ITPR1: variants seen among roughly 807,000 people sequenced by gnomAD.
ITPR1 encodes the protein inositol 1,4,5-trisphosphate-gated calcium channel ITPR1.
A neutral mutation model predicts 318.4 loss-of-function variants in ITPR1; 96 were observed. The observed-to-expected ratio is 0.30, with a 90% CI of 0.26 to 0.36. The LOEUF is 0.36. ITPR1 is among the 10% of genes least tolerant of loss of function. The pLI, the probability that ITPR1 is intolerant of heterozygous loss-of-function variation, is 1.00. For synonymous variants in ITPR1, 1,312 were observed against 1,289.9 expected (o/e 1.02, Z -0.37); for missense variants, 2,440 against 3,460.2 (o/e 0.71, Z 7.40).
intron 52 of ITPR1, among the ~76,000 whole-genome samples, chr3:4,793,253 T>C (rs992530990): frequency 1.3e-5 from 2 of 152,244 alleles, no homozygotes; most frequent in Non-Finnish European, 2.9e-5. Flanking sequence ...ATTACAATCA[T>C]ATTAGCGTAT....
chr3:4,642,361 G>A, intron 7 of ITPR1, 110 bp downstream of exon 7: 2 of 784,722 alleles, frequency 2.5e-6, no homozygotes, highest in East Asian at 3.2e-5. Context: ...GGCTTGTCCT[G>A]TGTAAAGAGA....
Position 4,673,391 on chromosome 3 carries a change from A to G in ITPR1, c.2456+4A>G. ...CCTCGGAGATCGCCATTGACGAGTG[A>G]GCCTGGCACCTGAAAACCTCACTTT... On this transcript the variant is annotated splice_donor_region_variant and intron_variant, in intron 21 of 61. Transcript: ENST00000649015. 6.3e-7 allele frequency: 1 copy of G among 1,597,280 alleles called. No homozygotes were observed. The highest frequency in any genetic ancestry group is 8.6e-7 in the Non-Finnish European group (1 of 1,168,450).
At chr3:4,572,693 T>C (rs2088154530) in intron 4 of ITPR1, among the ~76,000 whole-genome samples, 1 of 152,242 alleles carries the variant, frequency 6.6e-6, no homozygotes, top group South Asian at 2.1e-4. Context: ...TCCAGAACTT[T>C]TTCATCTTGC....
chr3:4,594,033 C>T (rs1212870447), intron 4 of ITPR1, among the ~76,000 whole-genome samples: 2 of 152,108 alleles, frequency 1.3e-5, no homozygotes, highest in Admixed American at 1.3e-4. Flanking sequence ...AAATGCGGGG[C>T]TTGAACCTGT....
chr3:4,846,273 T>G lies in ITPR1; in HGVS notation c.*48T>G, dbSNP rs77764633. On this transcript the variant is annotated 3_prime_UTR_variant, in exon 62 of 62. Coordinates refer to ENST00000649015, the MANE Select transcript of ITPR1 (RefSeq NM_001378452.1). ...ATTTACCTTTTATAATTATTATTAG[T>G]GTGGGTATGGCTAATGAGTTCTGAT... The G allele has an allele frequency of 0.019, 24,840 of 1,276,050 alleles. 1,678 individuals are homozygous for G. Among genetic ancestry groups the G allele is most frequent in the South Asian group, 0.18 (14,076 of 77,406 alleles). 79.0% of individuals were successfully genotyped at this position (1,276,050 alleles called of 1,614,324 possible).
At chr3:4,614,562 C>A (rs1301243508) in intron 4 of ITPR1, among the ~76,000 whole-genome samples, 1 of 152,182 alleles carries the variant, frequency 6.6e-6, no homozygotes, top group Non-Finnish European at 1.5e-5. Context: ...AATTTTCCCC[C>A]AAATCATACA....
chr3:4,809,173 A>C (rs1322565539), intron 55 of ITPR1, among the ~76,000 whole-genome samples: 1 of 152,122 alleles, frequency 6.6e-6, no homozygotes, highest in Non-Finnish European at 1.5e-5. Flanking sequence ...GTGAATGTAA[A>C]CTGATCCTGC....
At chr3:4,659,666 A>G (rs1433365839) in intron 13 of ITPR1, among the ~76,000 whole-genome samples, 2 of 152,006 alleles carry the variant, frequency 1.3e-5, no homozygotes, top group Non-Finnish European at 2.9e-5. Flanking sequence ...AGCCTGGGTG[A>G]CAGAGTGAGA....
At chr3:4,533,546 A>G (rs1240088031) in intron 4 of ITPR1, among the ~76,000 whole-genome samples, 2 of 152,248 alleles carry the variant, frequency 1.3e-5, no homozygotes, top group Non-Finnish European at 1.5e-5. Flanking sequence ...AAGAGTGGCT[A>G]TTGTGACTGA....
In ITPR1 at chr3:4,783,822, C is replaced by A. The variant is rs1168180147; in HGVS notation, c.6517C>A (p.Arg2173=). 2 of 1,601,276 alleles carry A rather than the reference C, an allele frequency of 1.2e-6. No homozygotes were observed. Among genetic ancestry groups the A allele is most frequent in the Admixed American group, 1.7e-5 (1 of 58,356 alleles). The change falls in exon 51 of 62, where the codon CGG becomes AGG. Residue 2173 remains arginine, a synonymous_variant. Transcript: ENST00000649015. ...NIYILAHQLA[R]HNKELQSMLK... ...CTCTGTCCCTGTATTCTAGTTGGCT[C>A]GGCATAACAAAGAACTTCAGAGCAT...
chr3:4,681,280 A>C, intron 25 of ITPR1, 84 bp from the exon 26 acceptor site: 1 of 924,562 alleles, frequency 1.1e-6, no homozygotes, highest in East Asian at 2.4e-5. Context: ...CAACAGCTTT[A>C]CCCTGCAAAA....
intron 60 of ITPR1, among the ~76,000 whole-genome samples, chr3:4,824,388 T>C (rs985015030): frequency 6.6e-6 from 1 of 152,192 alleles, no homozygotes. Context: ...CGAGCAACTT[T>C]TGCAGGGTCG....
At chr3:4,834,588 C>G (rs1230239740) in intron 60 of ITPR1, among the ~76,000 whole-genome samples, 2 of 152,130 alleles carry the variant, frequency 1.3e-5, no homozygotes, top group Non-Finnish European at 2.9e-5. Flanking sequence ...TATGTGTGCC[C>G]TCTTCTGAAA....
chr3:4,693,341 T>G, intron 32 of ITPR1, 149 bp from the exon 33 acceptor site: 1 of 830,440 alleles, frequency 1.2e-6, no homozygotes, highest in Non-Finnish European at 1.9e-6. Context: ...AGTTGTTCAG[T>G]TATATAAATG....
At chr3:4,555,584 G>A (rs2086040481) in intron 4 of ITPR1, among the ~76,000 whole-genome samples, 1 of 152,080 alleles carries the variant, frequency 6.6e-6, no homozygotes, top group African/African-American at 2.4e-5. Flanking sequence ...AAAAATAAGT[G>A]GGTTATGAAG....
chr3:4,619,272 T>G (rs1477908041), intron 4 of ITPR1, among the ~76,000 whole-genome samples: 1 of 152,150 alleles, frequency 6.6e-6, no homozygotes, highest in African/African-American at 2.4e-5. Context: ...AATTACTGGG[T>G]TCTTTCAACC....
chr3:4,620,386 G>C (rs1273611423), intron 4 of ITPR1, among the ~76,000 whole-genome samples: 1 of 152,082 alleles, frequency 6.6e-6, no homozygotes, highest in African/African-American at 2.4e-5. Context: ...TGGACACAGG[G>C]GTCTGACTGC....
intron 10 of ITPR1, among the ~76,000 whole-genome samples, chr3:4,646,946 A>G (rs932925747): frequency 6.6e-6 from 1 of 152,058 alleles, no homozygotes; most frequent in African/African-American, 2.4e-5. Context: ...TAGTATAGTA[A>G]AGTGCCCAAG....
chr3:4,840,678 A>G (rs2051280064), intron 61 of ITPR1, among the ~76,000 whole-genome samples: 1 of 152,172 alleles, frequency 6.6e-6, no homozygotes, highest in Admixed American at 6.5e-5. Context: ...ATTGCCAAGA[A>G]TGGTTGGTTA....
Sources: gnomAD v4.1 joint callset for allele counts (sites outside exome capture counted in the v4.1 genomes callset) on GRCh38, gnomAD v4.1.1 for gene constraint, MANE v1.5 for transcripts, NCBI Gene and HGNC (gene_info 2026-07-23, HGNC 2026-07-21) for gene names.